Variants in FAF1 observed in about 807,000 individuals in gnomAD.
The protein encoded by FAF1 is Fas associated factor 1.
In FAF1, 25 loss-of-function variants were observed where a neutral mutation model predicts 92.5. The observed-to-expected ratio is 0.27, with a 90% CI of 0.20 to 0.38. The LOEUF (loss-of-function observed/expected upper bound fraction) is 0.38, where lower values mean the gene tolerates loss of function less well. Among genes scored for constraint, FAF1 ranks in the 10% least tolerant of loss-of-function variants. The pLI, the probability that FAF1 is intolerant of heterozygous loss-of-function variation, is 1.00. For synonymous variants in FAF1, 234 were observed against 273.2 expected, an observed-to-expected ratio of 0.86 and a Z score of 1.42; for missense variants, 636 against 793.3, an observed-to-expected ratio of 0.80 and a Z score of 2.38.
At chr1:50,568,790 C>G (rs1314532097) in intron 12 of FAF1, among the ~76,000 whole-genome samples, 6 of 152,090 alleles carry the variant, frequency 3.9e-5, no homozygotes, top group Non-Finnish European at 8.8e-5. Flanking sequence ...GCAGGGAAAT[C>G]AACCACACTG....
intron 3 of FAF1, among the ~76,000 whole-genome samples, chr1:50,798,065 C>G (rs1182880427): frequency 6.7e-6 from 1 of 149,304 alleles, no homozygotes; most frequent in Non-Finnish European, 1.5e-5. Context: ...TTTTTAGGCA[C>G]CTCCTTAAAA....
chr1:50,695,605 A>T (rs1657164270), intron 7 of FAF1, among the ~76,000 whole-genome samples: 1 of 152,160 alleles, frequency 6.6e-6, no homozygotes, highest in Non-Finnish European at 1.5e-5. Context: ...CATCTCTTTT[A>T]TAATATATAT....
chr1:50,818,356 ACT>A (rs1208284636), intron 2 of FAF1, among the ~76,000 whole-genome samples: 1 of 152,104 alleles, frequency 6.6e-6, no homozygotes, highest in Non-Finnish European at 1.5e-5. Flanking sequence ...GCTAAATAAA[ACT>A]CTCATATAAA....
At chr1:50,888,518 T>C (rs1256160193) in intron 1 of FAF1, among the ~76,000 whole-genome samples, 1 of 152,232 alleles carries the variant, frequency 6.6e-6, no homozygotes. Flanking sequence ...GGGTTTGTCA[T>C]AAACAGCTCT....
chr1:50,812,540 T>C (rs1643926294), intron 2 of FAF1, among the ~76,000 whole-genome samples: 1 of 151,958 alleles, frequency 6.6e-6, no homozygotes, highest in African/African-American at 2.4e-5. Flanking sequence ...CTCATATCAG[T>C]CAGAATGGCT....
intron 18 of FAF1, chr1:50,451,947 C>T (rs1418226278): frequency 3.5e-6 from 4 of 1,134,264 alleles, no homozygotes; most frequent in Non-Finnish European, 4.4e-6. Context: ...GGGCACCAAA[C>T]AAAAGCTGTA....
intron 7 of FAF1, among the ~76,000 whole-genome samples, chr1:50,663,105 A>G (rs10493152): frequency 0.12 from 18,214 of 151,892 alleles, 1,467 homozygotes; most frequent in Middle Eastern, 0.28. Context: ...TATTTCACAA[A>G]TTAAAAAGAA....
At chr1:50,829,227 T>G (rs888662732) in intron 2 of FAF1, among the ~76,000 whole-genome samples, 1 of 152,032 alleles carries the variant, frequency 6.6e-6, no homozygotes, top group Non-Finnish European at 1.5e-5. Flanking sequence ...TGTGATATAA[T>G]CATAGTGTGG....
intron 1 of FAF1, among the ~76,000 whole-genome samples, chr1:50,940,687 T>C (rs138486507): frequency 1.2e-4 from 18 of 152,266 alleles, no homozygotes; most frequent in Non-Finnish European, 2.4e-4. Context: ...CATAATTATT[T>C]ACAGGTACTT....
rs189411178 is a variant in FAF1, at chr1:50,739,310, G to A, written c.460-356C>T. On this transcript the variant is annotated intron_variant, in intron 5 of 18. Coordinates refer to ENST00000396153, the MANE Select transcript of FAF1 (RefSeq NM_007051.3). ...CATATGTACATGTGTACACGTACAT[G>A]CATATACATGTGTACATGTGTACAC... 1.5e-4 allele frequency among the ~76,000 whole-genome samples: 23 copies of A among 151,648 alleles called. 1 individual carries two copies. Among genetic ancestry groups the A allele is most frequent in the East Asian group, 1.9e-4 (1 of 5,134 alleles).
At chr1:50,710,731 T>C (rs941414950) in intron 6 of FAF1, among the ~76,000 whole-genome samples, 2 of 150,772 alleles carry the variant, frequency 1.3e-5, no homozygotes, top group Non-Finnish European at 2.9e-5. Flanking sequence ...GCCTCCTGAG[T>C]AGCTAGGACT....
intron 7 of FAF1, among the ~76,000 whole-genome samples, chr1:50,695,341 G>A (rs913491137): frequency 6.6e-6 from 1 of 152,052 alleles, no homozygotes; most frequent in African/African-American, 2.4e-5. Context: ...CTGGGAGGTG[G>A]AGGTTGCAGC....
intron 2 of FAF1, among the ~76,000 whole-genome samples, chr1:50,857,292 T>C (rs1419600800): frequency 6.6e-6 from 1 of 150,872 alleles, no homozygotes; most frequent in East Asian, 1.9e-4. Flanking sequence ...TTAGCACTTC[T>C]TCAAAATTAT....
chr1:50,809,338 G>T (rs1662331555), intron 2 of FAF1, among the ~76,000 whole-genome samples: 1 of 151,600 alleles, frequency 6.6e-6, no homozygotes, highest in Non-Finnish European at 1.5e-5. Flanking sequence ...TTCCTTGAAA[G>T]AATAAATAAA....
At chr1:50,945,976 G>A (rs755422575) in intron 1 of FAF1, among the ~76,000 whole-genome samples, 7 of 152,310 alleles carry the variant, frequency 4.6e-5, no homozygotes, top group African/African-American at 7.2e-5. Flanking sequence ...AGCAAACCAG[G>A]ACCAGGTTTA....
At chr1:50,612,509 T>C (rs184170071) in intron 8 of FAF1, 13 of 985,090 alleles carry the variant, frequency 1.3e-5, no homozygotes, top group Non-Finnish European at 1.6e-5. Flanking sequence ...GCATGAAGGG[T>C]ACCAACGAGC....
At position 50,900,779 on chromosome 1, in the gene FAF1, T is replaced by C. The variant is rs1410871626; in HGVS notation, c.46-42782A>G. On this transcript the variant is annotated intron_variant, in intron 1 of 18. Transcript: ENST00000396153. ...ATATCATCAGTACTAATATATAGTATAGCCTCAAATGAGTATTTATTCACG... is the reference window on the plus strand; with the variant it reads ...ATATCATCAGTACTAATATATAGTACAGCCTCAAATGAGTATTTATTCACG... 5.9e-5 allele frequency among the ~76,000 whole-genome samples: 9 copies of C among 152,176 alleles called. No homozygotes were observed. In the East Asian group the frequency reaches 1.7e-3, roughly 29 times the overall value.
Position 50,583,740 on chromosome 1 carries a change from C to CA in FAF1, c.968-26dup. ...ACTAAAAAACAAACAAAAGAAAAAA[C>CA]AAAAACAAAAAAACAAAACAAATAG... On this transcript the variant is annotated intron_variant, in intron 10 of 18. Transcript: ENST00000396153. This position sits in a 1 kb window ranked among gnomAD's most constrained non-coding sequence, Gnocchi z 4.2. 6.6e-7 allele frequency: 1 copy of CA among 1,513,200 alleles called. No homozygotes were observed. The highest frequency in any genetic ancestry group is 9.0e-7 in the Non-Finnish European group (1 of 1,108,628). The allele number at this position is 1,513,200 out of a possible 1,614,324, so 93.7% of individuals were successfully genotyped here. A position where few individuals can be genotyped will look rare whatever the true frequency, so the allele number is the denominator to read the frequency against.
At chr1:50,644,876 G>T (rs773674258) in intron 8 of FAF1, among the ~76,000 whole-genome samples, 2 of 152,194 alleles carry the variant, frequency 1.3e-5, no homozygotes, top group African/African-American at 4.8e-5. Flanking sequence ...CTTAGTGCTT[G>T]TAAGTTTCCA....
Sources: allele counts gnomAD v4.1 joint callset (sites outside exome capture counted in the v4.1 genomes callset), GRCh38; gene constraint gnomAD v4.1.1; non-coding constraint Gnocchi (gnomAD v3.1); transcripts MANE v1.5; gene names NCBI Gene and HGNC (gene_info 2026-07-23, HGNC 2026-07-21).